The following OPCML variants were observed in gnomAD, a reference collection of about 807,000 sequenced individuals.
OPCML encodes the protein opioid binding protein/cell adhesion molecule like.
OPCML carries 13 observed loss-of-function variants against 37.8 expected under a neutral mutation model. The observed-to-expected ratio is 0.34, with a 90% confidence interval of 0.22 to 0.55. The LOEUF is 0.55. Among genes scored for constraint, OPCML ranks in the 20% least tolerant of loss-of-function variants. The probability of loss-of-function intolerance (pLI) is 0.91; values close to 1 mark genes in which losing one functional copy is unlikely to be tolerated. For missense variants in OPCML, 341 were observed against 435.6 expected (o/e 0.78, Z 1.93); for synonymous variants, 176 against 168.8 (o/e 1.04, Z -0.33).
At chr11:133,514,783 A>C (rs1948229091) in intron 1 of OPCML, among the ~76,000 whole-genome samples, 1 of 152,154 alleles carries the variant, frequency 6.6e-6, no homozygotes, top group African/African-American at 2.4e-5. Context: ...AATTTGTCTG[A>C]GCTGTCACTC....
At chr11:133,326,496 GTGTGTATGTGTGGGAGTGTGGGTA>G (rs1234353613) in intron 1 of OPCML, among the ~76,000 whole-genome samples, 1,942 of 143,790 alleles carry the variant, frequency 0.014, 59 homozygotes, top group African/African-American at 0.049. Flanking sequence ...GGGTGTGGGT[GTGTGTATGTGTGGGAGTGTGGGTA>G]TGTGTAAGTG....
intron 1 of OPCML, among the ~76,000 whole-genome samples, chr11:133,381,916 C>T (rs1944938071): frequency 1.3e-5 from 2 of 152,234 alleles, no homozygotes; most frequent in Non-Finnish European, 2.9e-5. Context: ...CCCTCAGCTG[C>T]TCCTGTCCCT....
intron 2 of OPCML, among the ~76,000 whole-genome samples, chr11:132,809,440 G>C (rs553508801): frequency 6.6e-6 from 1 of 152,282 alleles, no homozygotes; most frequent in South Asian, 2.1e-4. Flanking sequence ...GCCAGGCCAA[G>C]TGCTAAGTGC....
At chr11:133,072,487 T>C (rs1383203145) in intron 1 of OPCML, among the ~76,000 whole-genome samples, 1 of 152,032 alleles carries the variant, frequency 6.6e-6, no homozygotes, top group African/African-American at 2.4e-5. Context: ...AATGAATGAA[T>C]CTCTGACTCA....
At chr11:132,550,083 C>T (rs1460494803) in intron 3 of OPCML, among the ~76,000 whole-genome samples, 1 of 152,156 alleles carries the variant, frequency 6.6e-6, no homozygotes, top group Non-Finnish European at 1.5e-5. Context: ...AGAACCCTCC[C>T]TTGGGGTTTG....
intron 2 of OPCML, among the ~76,000 whole-genome samples, chr11:132,915,884 T>C (rs1238616609): frequency 1.3e-5 from 2 of 152,232 alleles, no homozygotes; most frequent in African/African-American, 4.8e-5. Flanking sequence ...TAAATATTGC[T>C]AATCATGTTT....
intron 1 of OPCML, among the ~76,000 whole-genome samples, chr11:133,003,060 G>C (rs148511095): frequency 6.6e-6 from 1 of 152,276 alleles, no homozygotes; most frequent in East Asian, 1.9e-4. Flanking sequence ...GCATATGCCA[G>C]ATATTGAAAA....
At chr11:133,373,448 T>TATACACAC (rs966091785) in intron 1 of OPCML, among the ~76,000 whole-genome samples, 2 of 132,156 alleles carry the variant, frequency 1.5e-5, no homozygotes, top group Admixed American at 7.8e-5. Flanking sequence ...TATATATATA[T>TATACACAC]ACACACACAC....
At chr11:132,704,267 T>C (rs1239658127) in intron 2 of OPCML, among the ~76,000 whole-genome samples, 1 of 152,230 alleles carries the variant, frequency 6.6e-6, no homozygotes, top group African/African-American at 2.4e-5. Context: ...CTCTCTCTCA[T>C]ATTTTTTCTG....
intron 1 of OPCML, among the ~76,000 whole-genome samples, chr11:133,351,587 C>T (rs1034023645): frequency 1.2e-4 from 18 of 152,162 alleles, no homozygotes; most frequent in Non-Finnish European, 2.1e-4. Flanking sequence ...GGATTCTAGC[C>T]TAGGTCTTCC....
intron 2 of OPCML, among the ~76,000 whole-genome samples, chr11:132,917,303 T>TA (rs1338300998): frequency 6.6e-6 from 1 of 152,254 alleles, no homozygotes; most frequent in African/African-American, 2.4e-5. Flanking sequence ...GGCCTTTTTT[T>TA]ATCACTGCTG....
chr11:132,762,973 G>A (rs1170857025), intron 2 of OPCML, among the ~76,000 whole-genome samples: 2 of 152,124 alleles, frequency 1.3e-5, no homozygotes, highest in Non-Finnish European at 2.9e-5. Flanking sequence ...CCTGGTCTGT[G>A]GGTTGCGAAG....
chr11:132,921,762 T>C (rs987342472), intron 2 of OPCML, among the ~76,000 whole-genome samples: 1 of 152,226 alleles, frequency 6.6e-6, no homozygotes, highest in Non-Finnish European at 1.5e-5. Flanking sequence ...CTGGGGCTGC[T>C]GCAGTCATCT....
chr11:132,976,798 A>G (rs563073833), intron 1 of OPCML, among the ~76,000 whole-genome samples: 35 of 152,342 alleles, frequency 2.3e-4, no homozygotes, highest in African/African-American at 7.7e-4. Flanking sequence ...ACCTTTTAAA[A>G]TTCAAGGAAA....
intron 3 of OPCML, among the ~76,000 whole-genome samples, chr11:132,538,052 C>T (rs1591522755): frequency 6.6e-6 from 1 of 152,186 alleles, no homozygotes. Flanking sequence ...AGCAATTCTA[C>T]TCTAGCTATA....
At chr11:133,494,663 T>C (rs545581121) in intron 1 of OPCML, among the ~76,000 whole-genome samples, 3 of 143,478 alleles carry the variant, frequency 2.1e-5, no homozygotes, top group South Asian at 4.5e-4. Flanking sequence ...TAGGTGGGAA[T>C]TGAACAATGA....
chr11:132,662,257 G>A (rs2135788809), intron 2 of OPCML, among the ~76,000 whole-genome samples: 1 of 152,264 alleles, frequency 6.6e-6, no homozygotes, highest in African/African-American at 2.4e-5. Context: ...CTGCGGCTCT[G>A]GGGACTCCTC....
intron 2 of OPCML, among the ~76,000 whole-genome samples, chr11:132,706,210 C>T (rs866543125): frequency 2.0e-5 from 3 of 152,270 alleles, no homozygotes; most frequent in Non-Finnish European, 2.9e-5. Flanking sequence ...GATGCCTATC[C>T]AGACTCCAAG....
At chr11:132,745,351 C>T (rs549620661) in intron 2 of OPCML, among the ~76,000 whole-genome samples, 2 of 152,064 alleles carry the variant, frequency 1.3e-5, no homozygotes, top group Non-Finnish European at 2.9e-5. Flanking sequence ...GATTAAAATA[C>T]TGTTAATGAT....
Sources: allele counts gnomAD v4.1 joint callset (sites outside exome capture counted in the v4.1 genomes callset), GRCh38; gene constraint gnomAD v4.1.1; transcripts MANE v1.5; gene names NCBI Gene and HGNC (gene_info 2026-07-23, HGNC 2026-07-21).